ST6GALNAC3: variants seen among roughly 807,000 people sequenced by gnomAD.
ST6GALNAC3 encodes the protein alpha-N-acetylgalactosaminide alpha-2,6-sialyltransferase 3.
In ST6GALNAC3, 25 loss-of-function variants were observed where a neutral mutation model predicts 32.7. That is an observed-to-expected ratio of 0.76 (90% confidence interval 0.56 to 1.07). The LOEUF (loss-of-function observed/expected upper bound fraction) is 1.07. Among genes scored for constraint, ST6GALNAC3 ranks in the 50% least tolerant of loss-of-function variants. The pLI is 0.00. For missense variants in ST6GALNAC3, 355 were observed against 382.4 expected (o/e 0.93, Z 0.60); for synonymous variants, 129 against 133.1 (o/e 0.97, Z 0.21).
At chr1:76,196,237 G>A (rs1001134759) in intron 1 of ST6GALNAC3, among the ~76,000 whole-genome samples, 1 of 152,108 alleles carries the variant, frequency 6.6e-6, no homozygotes, top group African/African-American at 2.4e-5. Context: ...AGAATGCCTT[G>A]GTGGGATTGT....
At chr1:76,570,233 C>A (rs1023951821) in intron 3 of ST6GALNAC3, among the ~76,000 whole-genome samples, 11 of 152,026 alleles carry the variant, frequency 7.2e-5, no homozygotes, top group African/African-American at 2.4e-4. Flanking sequence ...AAAATATCAA[C>A]CTTTATGGAA....
chr1:76,592,890 G>A (rs114246760), intron 3 of ST6GALNAC3, among the ~76,000 whole-genome samples: 198 of 152,216 alleles, frequency 1.3e-3, no homozygotes, highest in African/African-American at 4.6e-3. Context: ...GGAATGGTGG[G>A]GAGTGAAAAA....
chr1:76,550,888 T>C (rs1034331561), intron 3 of ST6GALNAC3, among the ~76,000 whole-genome samples: 2 of 152,118 alleles, frequency 1.3e-5, no homozygotes, highest in Admixed American at 6.6e-5. Context: ...CCCGAGTAGC[T>C]GGGATTACAG....
In ST6GALNAC3 at chr1:76,526,915, T is replaced by G. The variant is rs961454197; in HGVS notation, c.624-100537T>G. Among the ~76,000 whole-genome samples the G allele has an allele frequency of 3.3e-5, 5 of 152,122 alleles. No homozygotes were observed. In the East Asian group the frequency reaches 9.6e-4, roughly 29 times the overall value. On this transcript the variant is annotated intron_variant, in intron 3 of 4. Coordinates refer to ENST00000328299, the MANE Select transcript of ST6GALNAC3 (RefSeq NM_152996.4). Reference sequence around the variant, plus strand: ...CAGTTGTAGAAAATTCTCTGATTGTTAATTCCAGTCTTAATCTTAATACTT... The same window carrying G: ...CAGTTGTAGAAAATTCTCTGATTGTGAATTCCAGTCTTAATCTTAATACTT...
rs540401687 is a variant in ST6GALNAC3, at chr1:76,542,026, A to G, written c.624-85426A>G. ...ACTGCTGTTTGCTGTTTACTATTAC[A>G]ATCACAGAAGTAAAGGCTAAGCCAT... is the stretch of plus-strand genomic sequence containing the variant. On this transcript the variant is annotated intron_variant, in intron 3 of 4. Transcript: ENST00000328299. Among the ~76,000 whole-genome samples, 3 of 152,324 alleles carry G rather than the reference A, an allele frequency of 2.0e-5. No homozygotes were observed. The South Asian group carries it at 6.2e-4, about 32-fold the overall frequency.
rs1218338326 is a variant in ST6GALNAC3 at position 76,633,153 on chromosome 1, T to C, written c.*4347T>C. 6.6e-6 allele frequency: 1 copy of C among 152,202 alleles called. No homozygotes were observed. The highest frequency in any genetic ancestry group is 1.9e-4 in the East Asian group (1 of 5,192). The allele number at this position is 152,202 out of a possible 1,614,324, so 9.4% of individuals were successfully genotyped here. On this transcript the variant is annotated 3_prime_UTR_variant, in exon 5 of 5. Coordinates refer to ENST00000328299, the MANE Select transcript of ST6GALNAC3 (RefSeq NM_152996.4). ...AAGTGACTTGCCTGTAGTTATAAAC[T>C]GGACTAATGGCAGTACTGAGACTCA...
chr1:76,182,505 C>T (rs976998112), intron 1 of ST6GALNAC3, among the ~76,000 whole-genome samples: 7 of 152,112 alleles, frequency 4.6e-5, no homozygotes, highest in African/African-American at 1.4e-4. Flanking sequence ...TACCTATCTG[C>T]TTTCAGTTTA....
At chr1:76,189,826 C>T (rs1189171761) in intron 1 of ST6GALNAC3, among the ~76,000 whole-genome samples, 1 of 152,054 alleles carries the variant, frequency 6.6e-6, no homozygotes, top group Admixed American at 6.5e-5. Flanking sequence ...TCTTATAGTC[C>T]AGGCTAAGAT....
intron 3 of ST6GALNAC3, among the ~76,000 whole-genome samples, chr1:76,485,673 G>A (rs191869718): frequency 6.6e-6 from 1 of 152,034 alleles, no homozygotes; most frequent in African/African-American, 2.4e-5. Flanking sequence ...CAAAAAACTA[G>A]CTCCTGGATT....
chr1:76,476,542 T>A (rs1659364685), intron 3 of ST6GALNAC3, among the ~76,000 whole-genome samples: 1 of 152,188 alleles, frequency 6.6e-6, no homozygotes, highest in African/African-American at 2.4e-5. Flanking sequence ...TGGGATGAAA[T>A]GAGACCATTG....
In ST6GALNAC3 at chr1:76,187,465, T is replaced by G. The variant is rs370483978; in HGVS notation, c.18+112581T>G. The stretch of plus-strand genomic sequence containing the variant: ...TAATTACTGAAACTAAGCATCCATT[T>G]TCTATAGATTATGTTACTAGTGACT... On this transcript the variant is annotated intron_variant, in intron 1 of 4. Coordinates refer to ENST00000328299, the MANE Select transcript of ST6GALNAC3 (RefSeq NM_152996.4). Among the ~76,000 whole-genome samples, 85 of 152,340 alleles carry G rather than the reference T, an allele frequency of 5.6e-4. No homozygotes were observed. The South Asian group carries it at 0.017, about 30-fold the overall frequency.
rs1019231996 is a variant in ST6GALNAC3 at position 76,628,887 on chromosome 1, G to T, written c.*81G>T. ...TGATGCTGATGATGCTAATGGAGAT[G>T]ATGGTAATGATAAAGACAACAACAA... On this transcript the variant is annotated 3_prime_UTR_variant, in exon 5 of 5. Coordinates refer to ENST00000328299, the MANE Select transcript of ST6GALNAC3 (RefSeq NM_152996.4). 4 of 1,567,466 alleles carry T rather than the reference G, an allele frequency of 2.6e-6. No homozygotes were observed. Among genetic ancestry groups the T allele is most frequent in the Admixed American group, 4.1e-5 (2 of 48,310 alleles).
chr1:76,092,824 A>G (rs1030897840), intron 1 of ST6GALNAC3, among the ~76,000 whole-genome samples: 6 of 152,174 alleles, frequency 3.9e-5, no homozygotes, highest in Non-Finnish European at 7.4e-5. Context: ...GTTCAAACCC[A>G]GACTGCCTGG....
intron 1 of ST6GALNAC3, among the ~76,000 whole-genome samples, chr1:76,100,416 T>C (rs1647199216): frequency 6.6e-6 from 1 of 152,206 alleles, no homozygotes. Flanking sequence ...TGTTGAATTT[T>C]ATCAAAGCTA....
At chr1:76,142,333 G>A (rs209256) in intron 1 of ST6GALNAC3, among the ~76,000 whole-genome samples, 59,804 of 152,048 alleles carry the variant, frequency 0.39, 13,803 homozygotes, top group South Asian at 0.55. Context: ...GTGGCCTGGC[G>A]TCTAGAAAGC....
intron 1 of ST6GALNAC3, among the ~76,000 whole-genome samples, chr1:76,190,118 G>A (rs1180635922): frequency 1.3e-5 from 2 of 152,084 alleles, no homozygotes; most frequent in African/African-American, 2.4e-5. Flanking sequence ...AAATAATGTA[G>A]TATGTGACAC....
At chr1:76,543,884 T>C (rs796720024) in intron 3 of ST6GALNAC3, among the ~76,000 whole-genome samples, 19 of 152,298 alleles carry the variant, frequency 1.2e-4, no homozygotes, top group African/African-American at 3.8e-4. Context: ...CAACTTCTTA[T>C]TTTGCTAAGT....
intron 3 of ST6GALNAC3, among the ~76,000 whole-genome samples, chr1:76,456,164 T>C (rs998955038): frequency 9.9e-5 from 15 of 152,080 alleles, no homozygotes; most frequent in Non-Finnish European, 8.8e-5. Context: ...AGAGTGAAAC[T>C]CTGTCCCAAA....
intron 1 of ST6GALNAC3, among the ~76,000 whole-genome samples, chr1:76,128,284 T>G (rs1353599943): frequency 6.6e-6 from 1 of 152,134 alleles, no homozygotes; most frequent in East Asian, 1.9e-4. Flanking sequence ...ACTCTCCAGA[T>G]AAAGTGGAAG....
Sources: allele counts gnomAD v4.1 joint callset (sites outside exome capture counted in the v4.1 genomes callset), GRCh38; gene constraint gnomAD v4.1.1; transcripts MANE v1.5; gene names NCBI Gene and HGNC (gene_info 2026-07-23, HGNC 2026-07-21).